Variants in ATXN1 observed in about 807,000 individuals in gnomAD.
ATXN1 encodes ataxin 1, also known as ataxin-1.
In ATXN1, 8 loss-of-function variants were observed where a neutral mutation model predicts 56.4. The ratio of observed to expected loss-of-function variants is 0.14; its 90% CI spans 0.08 to 0.26. The LOEUF (loss-of-function observed/expected upper bound fraction) is 0.26, where lower values mean the gene tolerates loss of function less well. Ranked by LOEUF, ATXN1 falls within the 10% of genes least tolerant of loss-of-function variation. The pLI is 1.00. For missense variants in ATXN1, 987 were observed against 1,106.5 expected (o/e 0.89, Z 1.53); for synonymous variants, 514 against 494.6 (o/e 1.04, Z -0.52).
At chr6:16,444,512 T>C (rs1385566529) in intron 6 of ATXN1, among the ~76,000 whole-genome samples, 1 of 152,176 alleles carries the variant, frequency 6.6e-6, no homozygotes, top group East Asian at 1.9e-4. Context: ...ACACAACAGA[T>C]ATGCTGCAAT....
intron 4 of ATXN1, among the ~76,000 whole-genome samples, chr6:16,537,422 T>G (rs1280308105): frequency 6.6e-6 from 1 of 151,926 alleles, no homozygotes; most frequent in African/African-American, 2.4e-5. Flanking sequence ...TGGGATGTTC[T>G]GGCCGGGCGC....
At chr6:16,503,280 G>A (rs1760917628) in intron 5 of ATXN1, among the ~76,000 whole-genome samples, 1 of 152,166 alleles carries the variant, frequency 6.6e-6, no homozygotes, top group Non-Finnish European at 1.5e-5. Context: ...GGCTACTGGA[G>A]AATGTGGTCT....
chr6:16,332,427 A>G (rs972888193), intron 6 of ATXN1, among the ~76,000 whole-genome samples: 1 of 152,218 alleles, frequency 6.6e-6, no homozygotes, highest in African/African-American at 2.4e-5. Flanking sequence ...AAGAAGAAAA[A>G]AGAAAAAAGG....
intron 4 of ATXN1, among the ~76,000 whole-genome samples, chr6:16,584,243 TACACACACACACACACACACAC>T (rs368108414): frequency 5.1e-5 from 6 of 118,502 alleles, no homozygotes; most frequent in East Asian, 2.3e-4. Flanking sequence ...TATATATATA[TACACACACACACACACACACAC>T]ACACACATAT....
intron 6 of ATXN1, among the ~76,000 whole-genome samples, chr6:16,454,469 G>A (rs1759826732): frequency 6.6e-6 from 1 of 152,174 alleles, no homozygotes; most frequent in Admixed American, 6.5e-5. Flanking sequence ...CTGCCTGAGG[G>A]CTGAGGCAAT....
Position 16,302,909 on chromosome 6 carries a change from A to T in ATXN1, c.*3420T>A, listed in dbSNP as rs928978256. 1.3e-5 allele frequency: 2 copies of T among 152,674 alleles called. No homozygotes were observed. Among genetic ancestry groups the T allele is most frequent in the African/African-American group, 4.8e-5 (2 of 41,458 alleles). 9.5% of individuals were successfully genotyped at this position (152,674 alleles called of 1,614,324 possible). ...TAATGTTTGCTACACAGAAGCGGTG[A>T]CAGAGGCTGCTCTGGGAGCCTCGGG... is the stretch of plus-strand genomic sequence containing the variant. On this transcript the variant is annotated 3_prime_UTR_variant, in exon 8 of 8. Coordinates refer to ENST00000436367, the MANE Select transcript of ATXN1 (RefSeq NM_001128164.2).
rs534177935 is a variant in ATXN1 at position 16,328,992 on chromosome 6, A to G, written c.-160-522T>C. Among the ~76,000 whole-genome samples the G allele has an allele frequency of 1.3e-5, 2 of 152,262 alleles. No individual in the cohort carries two copies. Among genetic ancestry groups the G allele is most frequent in the Admixed American group, 6.5e-5 (1 of 15,302 alleles). On this transcript the variant is annotated intron_variant, in intron 6 of 7. Transcript: ENST00000436367. The surrounding 1 kb of genome is among the most constrained non-coding windows in gnomAD (Gnocchi z 6.2). ...TAGCCGTGGCAGCTGCACATTATAA[A>G]GGAAGATTATGAAGACACTGGGCAA... is the stretch of plus-strand genomic sequence containing the variant.
chr6:16,500,335 T>G (rs189862332), intron 5 of ATXN1, among the ~76,000 whole-genome samples: 48 of 152,238 alleles, frequency 3.2e-4, no homozygotes, highest in Non-Finnish European at 6.2e-4. Context: ...AAAATTGATT[T>G]TAATACAATT....
In ATXN1 at chr6:16,548,863, C is replaced by T. The variant is rs1182990863; in HGVS notation, c.-360-26175G>A. Among the ~76,000 whole-genome samples, 3 of 152,278 alleles carry T rather than the reference C, an allele frequency of 2.0e-5. No homozygotes were observed. In the East Asian group the frequency reaches 5.8e-4, roughly 29 times the overall value. Reference sequence around the variant, plus strand: ...GCTTGAACCCAGGAGGCAGAGGTTGCAGTGAGCAGAGATTGCACCACTGCA... The same window carrying T: ...GCTTGAACCCAGGAGGCAGAGGTTGTAGTGAGCAGAGATTGCACCACTGCA... On this transcript the variant is annotated intron_variant, in intron 4 of 7. Coordinates refer to ENST00000436367, the MANE Select transcript of ATXN1 (RefSeq NM_001128164.2).
chr6:16,606,347 T>C (rs538270332), intron 3 of ATXN1, among the ~76,000 whole-genome samples: 2 of 152,232 alleles, frequency 1.3e-5, no homozygotes, highest in East Asian at 3.9e-4. Flanking sequence ...ACCTGGATGG[T>C]GAAACGTATT....
At chr6:16,705,865 T>C (rs963216482) in intron 2 of ATXN1, among the ~76,000 whole-genome samples, 2 of 152,142 alleles carry the variant, frequency 1.3e-5, no homozygotes, top group Non-Finnish European at 1.5e-5. Context: ...GCCAAATGCA[T>C]AGCACTAACA....
intron 6 of ATXN1, among the ~76,000 whole-genome samples, chr6:16,433,655 G>A (rs1759332018): frequency 1.3e-5 from 2 of 152,188 alleles, no homozygotes; most frequent in South Asian, 2.1e-4. Flanking sequence ...TGTCAAATAC[G>A]ATCCATTCTG....
At chr6:16,664,162 G>A (rs988772631) in intron 2 of ATXN1, among the ~76,000 whole-genome samples, 15 of 152,152 alleles carry the variant, frequency 9.9e-5, no homozygotes, top group African/African-American at 3.6e-4. Flanking sequence ...TGGAGCAGAT[G>A]CTACTAATTA....
At chr6:16,486,736 A>C (rs1760553974) in intron 5 of ATXN1, among the ~76,000 whole-genome samples, 1 of 152,168 alleles carries the variant, frequency 6.6e-6, no homozygotes, top group Non-Finnish European at 1.5e-5. Flanking sequence ...TCACGCAGGA[A>C]GCTAGGAGAA....
chr6:16,666,857 T>G (rs1758439135), intron 2 of ATXN1: 1 of 152,146 alleles, frequency 6.6e-6, no homozygotes, highest in Non-Finnish European at 1.5e-5. Context: ...AAGAATCTAG[T>G]TAAAATTTCT....
At chr6:16,481,007 AG>A (rs925596149) in intron 6 of ATXN1, among the ~76,000 whole-genome samples, 4 of 152,318 alleles carry the variant, frequency 2.6e-5, no homozygotes, top group South Asian at 4.1e-4. Context: ...GGCAATGGCC[AG>A]GAACTAGTGA....
intron 2 of ATXN1, chr6:16,739,572 T>G (rs996948443): frequency 7.0e-6 from 2 of 284,720 alleles, no homozygotes; most frequent in Non-Finnish European, 1.5e-5. Context: ...CAAGAGGGAG[T>G]TGCTGCTCTG....
At chr6:16,411,523 G>T (rs1758800775) in intron 6 of ATXN1, among the ~76,000 whole-genome samples, 1 of 151,986 alleles carries the variant, frequency 6.6e-6, no homozygotes, top group African/African-American at 2.4e-5. Context: ...CTGGCATTTT[G>T]CCCTGGCATA....
intron 2 of ATXN1, among the ~76,000 whole-genome samples, chr6:16,663,383 A>T (rs73725212): frequency 0.044 from 6,744 of 152,284 alleles, 182 homozygotes; most frequent in South Asian, 0.077. Context: ...AAAATTTTTT[A>T]AAAAGAACTT....
Sources: gnomAD v4.1 joint callset for allele counts (sites outside exome capture counted in the v4.1 genomes callset) on GRCh38, gnomAD v4.1.1 for gene constraint, Gnocchi (gnomAD v3.1) non-coding constraint, MANE v1.5 for transcripts, NCBI Gene and HGNC (gene_info 2026-07-23, HGNC 2026-07-21) for gene names.